ALKBH8: variants seen among roughly 807,000 people sequenced by gnomAD.
ALKBH8 encodes alkB homolog 8, tRNA methyltransferase, also known as tRNA (carboxymethyluridine(34)-5-O)-methyltransferase ALKBH8.
A neutral mutation model predicts 59.8 loss-of-function variants in ALKBH8; 36 were observed. The ratio of observed to expected loss-of-function variants is 0.60; its 90% confidence interval spans 0.46 to 0.79. ALKBH8 has a LOEUF of 0.79. ALKBH8 is among the 30% of genes least tolerant of loss of function. ALKBH8 has a pLI of 0.00. For missense variants in ALKBH8, 768 were observed against 801.0 expected (o/e 0.96, Z 0.50); for synonymous variants, 276 against 273.6 (o/e 1.01, Z -0.09).
intron 7 of ALKBH8, among the ~76,000 whole-genome samples, chr11:107,542,921 ATATT>A (rs1864102225): frequency 6.6e-6 from 1 of 152,064 alleles, no homozygotes; most frequent in Non-Finnish European, 1.5e-5. Flanking sequence ...AAAAACAGGA[ATATT>A]TGCCATGTTC....
At chr11:107,525,910 A>C (rs1304563890) in intron 8 of ALKBH8, among the ~76,000 whole-genome samples, 1 of 152,060 alleles carries the variant, frequency 6.6e-6, no homozygotes, top group Non-Finnish European at 1.5e-5. Context: ...TGGTAAATTT[A>C]AATTCATTAT....
At chr11:107,523,267 C>T (rs1474372027) in intron 9 of ALKBH8, among the ~76,000 whole-genome samples, 8 of 152,066 alleles carry the variant, frequency 5.3e-5, no homozygotes, top group Non-Finnish European at 1.5e-5. Context: ...CAACAGAATA[C>T]TATTCAGCCA....
chr11:107,504,807 A>C lies in ALKBH8; in HGVS notation c.1846T>G (p.Ser616Ala). 1 of 1,551,880 alleles carries C rather than the reference A, an allele frequency of 6.4e-7. No individual in the cohort carries two copies. Among genetic ancestry groups the C allele is most frequent in the Non-Finnish European group, 8.7e-7 (1 of 1,147,004 alleles). The change falls in exon 12 of 12, where the codon TCC becomes GCC. Residue 616 changes from serine (S) to alanine (A), a missense_variant. By Grantham distance (99) the Ser-to-Ala change is moderately conservative. Coordinates refer to ENST00000428149, the MANE Select transcript of ALKBH8 (RefSeq NM_138775.3). ...KPVEPFGPIG[S>A]QDPSPVFHRY... ...TGAAACACAGGACTTGGGTCCTGGG[A>C]TCCTATGGGACCAAATGGCTCAACA...
intron 10 of ALKBH8, among the ~76,000 whole-genome samples, chr11:107,518,692 C>T (rs772699929): frequency 7.2e-5 from 11 of 152,266 alleles, no homozygotes; most frequent in Admixed American, 1.3e-4. Context: ...CCCATCCCTT[C>T]GTTTCCCGTA....
At position 107,510,857 on chromosome 11, in the gene ALKBH8, G is replaced by A. The variant is rs949675053; in HGVS notation, c.1437+30C>T. The A allele has an allele frequency of 1.9e-6, 3 of 1,547,322 alleles. No individual in the cohort carries two copies. In the African/African-American group the frequency reaches 4.1e-5, roughly 21 times the overall value. On this transcript the variant is annotated intron_variant, in intron 11 of 11. Transcript: ENST00000428149. ...ACTCTTCCTGCTGCTTTAGCTACAA[G>A]TTCTTAAGAGAAAGAAAGACCATAC...
intron 11 of ALKBH8, among the ~76,000 whole-genome samples, chr11:107,510,400 G>A (rs1862572025): frequency 6.6e-6 from 1 of 151,154 alleles, no homozygotes; most frequent in Admixed American, 6.6e-5. Flanking sequence ...ACAGAGTTTT[G>A]AAAAAAAAGA....
intron 7 of ALKBH8, among the ~76,000 whole-genome samples, chr11:107,542,975 G>A (rs1035500205): frequency 5.9e-5 from 9 of 152,164 alleles, no homozygotes; most frequent in Non-Finnish European, 1.0e-4. Context: ...ACCAGAGCAG[G>A]AAACCCAGAA....
At chr11:107,529,108 C>T (rs1863469094) in intron 8 of ALKBH8, among the ~76,000 whole-genome samples, 1 of 152,144 alleles carries the variant, frequency 6.6e-6, no homozygotes, top group Non-Finnish European at 1.5e-5. Flanking sequence ...AACCAGAGTG[C>T]CTGGCTTCTG....
chr11:107,512,473 C>T (rs182691045), intron 10 of ALKBH8, among the ~76,000 whole-genome samples: 4 of 151,992 alleles, frequency 2.6e-5, no homozygotes, highest in East Asian at 3.9e-4. Flanking sequence ...ACCACCATGC[C>T]CAGCATTTGT....
intron 8 of ALKBH8, among the ~76,000 whole-genome samples, chr11:107,531,564 C>T (rs925542584): frequency 6.6e-6 from 1 of 152,080 alleles, no homozygotes; most frequent in Non-Finnish European, 1.5e-5. Flanking sequence ...ACTGAATCCT[C>T]GATCAGAAAG....
At chr11:107,541,618 C>T (rs1864039105) in intron 7 of ALKBH8, among the ~76,000 whole-genome samples, 1 of 152,184 alleles carries the variant, frequency 6.6e-6, no homozygotes, top group Non-Finnish European at 1.5e-5. Flanking sequence ...TTTAGCATTT[C>T]AGCATTTTCT....
intron 10 of ALKBH8, among the ~76,000 whole-genome samples, chr11:107,516,663 C>A (rs1255052516): frequency 2.0e-5 from 3 of 152,172 alleles, no homozygotes; most frequent in Non-Finnish European, 2.9e-5. Context: ...AGGGAAGAGA[C>A]AACCTACAGA....
intron 7 of ALKBH8, among the ~76,000 whole-genome samples, chr11:107,535,608 GT>G (rs1863783936): frequency 6.6e-6 from 1 of 151,932 alleles, no homozygotes; most frequent in South Asian, 2.1e-4. Context: ...ATGATTGTTT[GT>G]TTTTTTCTCA....
chr11:107,510,045 G>A (rs73551696), intron 11 of ALKBH8, among the ~76,000 whole-genome samples: 1 of 152,128 alleles, frequency 6.6e-6, no homozygotes, highest in Non-Finnish European at 1.5e-5. Context: ...AAGCCACTGA[G>A]GCCTAGTGGC....
intron 3 of ALKBH8, 45 bp downstream of exon 3, chr11:107,556,721 A>C: frequency 1.6e-6 from 2 of 1,285,142 alleles, no homozygotes; most frequent in Non-Finnish European, 2.0e-6. Flanking sequence ...TGAAAAGAAA[A>C]CACCCAGAAG....
intron 10 of ALKBH8, among the ~76,000 whole-genome samples, chr11:107,513,586 C>T (rs1862729701): frequency 6.6e-6 from 1 of 152,134 alleles, no homozygotes; most frequent in Non-Finnish European, 1.5e-5. Flanking sequence ...AAGACATATG[C>T]ACTGATATGT....
At chr11:107,534,922 A>G (rs621303) in intron 7 of ALKBH8, among the ~76,000 whole-genome samples, 78,640 of 151,806 alleles carry the variant, frequency 0.52, 21,007 homozygotes, top group Non-Finnish European at 0.56. Flanking sequence ...ACTTTTCCCC[A>G]AAGTCCCCAA....
At chr11:107,555,292 C>T (rs1261362208) in intron 3 of ALKBH8, among the ~76,000 whole-genome samples, 1 of 152,048 alleles carries the variant, frequency 6.6e-6, no homozygotes, top group Non-Finnish European at 1.5e-5. Flanking sequence ...TTGTGACACA[C>T]TTCTGTTCTC....
At chr11:107,553,779 AAGAC>A (rs1864590851) in intron 4 of ALKBH8, 64 bp downstream of exon 4, 1 of 1,511,452 alleles carries the variant, frequency 6.6e-7, no homozygotes, top group Non-Finnish European at 8.9e-7. Context: ...TAAACCATGA[AAGAC>A]AGAGGAAAGG....
Sources: gnomAD v4.1 joint callset for allele counts (sites outside exome capture counted in the v4.1 genomes callset) on GRCh38, gnomAD v4.1.1 for gene constraint, MANE v1.5 for transcripts, NCBI Gene and HGNC (gene_info 2026-07-23, HGNC 2026-07-21) for gene names.